Variants in ADGRV1 observed in about 807,000 individuals in gnomAD.
The protein encoded by ADGRV1 is adhesion G protein-coupled receptor V1.
In ADGRV1, 359 loss-of-function variants were observed where a neutral mutation model predicts 596.2. The ratio of observed to expected loss-of-function variants is 0.60; its 90% confidence interval spans 0.55 to 0.66. The LOEUF (loss-of-function observed/expected upper bound fraction) is 0.66. ADGRV1 is among the 30% of genes least tolerant of loss of function. The pLI, the probability that ADGRV1 is intolerant of heterozygous loss-of-function variation, is 0.00. For synonymous variants in ADGRV1, 2,681 were observed against 2,679.2 expected (o/e 1.00, Z -0.02); for missense variants, 7,274 against 7,575.6 (o/e 0.96, Z 1.48).
intron 87 of ADGRV1, among the ~76,000 whole-genome samples, chr5:91,117,774 A>G (rs999914418): frequency 5.3e-5 from 8 of 152,206 alleles, no homozygotes; most frequent in Admixed American, 3.9e-4. Flanking sequence ...GATGATACTG[A>G]CAATAATTCC....
At chr5:90,730,056 C>T (rs535014674) in intron 50 of ADGRV1, among the ~76,000 whole-genome samples, 2 of 152,048 alleles carry the variant, frequency 1.3e-5, no homozygotes, top group African/African-American at 2.4e-5. Flanking sequence ...TTAGTAGAGA[C>T]GGGGTTTCAC....
In ADGRV1 at chr5:90,672,563, A is replaced by G. The variant is rs144401211; in HGVS notation, c.4770A>G (p.Ser1590=). 245 of 1,613,686 alleles carry G rather than the reference A, an allele frequency of 1.5e-4. 4 individuals are homozygous for G. In the East Asian group the frequency reaches 3.2e-3, roughly 21 times the overall value. The stretch of plus-strand genomic sequence containing the variant: ...AATTTCAGATTGCAGAGGAGGGATC[A>G]ACCATTTCTTGTGTGGTTGAGAGAA... ...ACIPEIAEEG[S]TISCVVERTR... Residue 1590 remains serine (S), a synonymous_variant, in exon 22 of 90, where the codon TCA becomes TCG. Coordinates refer to ENST00000405460, the MANE Select transcript of ADGRV1 (RefSeq NM_032119.4).
chr5:91,135,614 G>T (rs1794563972), intron 87 of ADGRV1, among the ~76,000 whole-genome samples: 1 of 152,112 alleles, frequency 6.6e-6, no homozygotes, highest in Non-Finnish European at 1.5e-5. Context: ...AGGGAATCTG[G>T]TTTTTCCTGC....
At chr5:90,997,347 G>C (rs1401514098) in intron 85 of ADGRV1, among the ~76,000 whole-genome samples, 1 of 150,322 alleles carries the variant, frequency 6.7e-6, no homozygotes, top group Admixed American at 6.6e-5. Flanking sequence ...CTGGTTGTTT[G>C]CAAGTATGTA....
intron 86 of ADGRV1, among the ~76,000 whole-genome samples, chr5:91,101,819 T>C (rs990862996): frequency 1.3e-5 from 2 of 152,038 alleles, no homozygotes; most frequent in Non-Finnish European, 1.5e-5. Context: ...ACACGCACGA[T>C]GTTATATAAT....
At chr5:90,945,555 T>C (rs1776500291) in intron 83 of ADGRV1, among the ~76,000 whole-genome samples, 1 of 152,072 alleles carries the variant, frequency 6.6e-6, no homozygotes, top group Non-Finnish European at 1.5e-5. Context: ...AAGACTAAAA[T>C]CAAACTCCAC....
At chr5:90,720,716 A>G (rs1221982257) in intron 44 of ADGRV1, among the ~76,000 whole-genome samples, 1 of 152,192 alleles carries the variant, frequency 6.6e-6, no homozygotes, top group East Asian at 1.9e-4. Context: ...TGTTTTTGAT[A>G]CATGTGTGAA....
intron 35 of ADGRV1, among the ~76,000 whole-genome samples, 162 bp from the exon 36 acceptor site, chr5:90,704,227 C>T (rs978977678): frequency 6.6e-6 from 1 of 152,048 alleles, no homozygotes; most frequent in African/African-American, 2.4e-5. Flanking sequence ...GCTTAGGTTC[C>T]CATGTGTCAG....
intron 83 of ADGRV1, among the ~76,000 whole-genome samples, chr5:90,893,307 A>G (rs1172763205): frequency 6.6e-6 from 1 of 152,144 alleles, no homozygotes; most frequent in Non-Finnish European, 1.5e-5. Flanking sequence ...ATTGAATACT[A>G]TGAAAGAGAG....
At chr5:90,788,824 A>G (rs1029814943) in intron 68 of ADGRV1, among the ~76,000 whole-genome samples, 3 of 151,908 alleles carry the variant, frequency 2.0e-5, no homozygotes, top group African/African-American at 7.3e-5. Context: ...AGTTTTCCTG[A>G]GAAACAAAAC....
intron 1 of ADGRV1, among the ~76,000 whole-genome samples, chr5:90,560,720 A>C (rs1208443369): frequency 6.6e-6 from 1 of 152,156 alleles, no homozygotes; most frequent in African/African-American, 2.4e-5. Flanking sequence ...GTCTCCATTT[A>C]TTATATCTTA....
At chr5:90,977,019 G>A (rs6860535) in intron 84 of ADGRV1, among the ~76,000 whole-genome samples, 23,996 of 152,118 alleles carry the variant, frequency 0.16, 2,580 homozygotes, top group African/African-American at 0.3. Flanking sequence ...GCAAATGTGC[G>A]TGTTATTTAT....
At chr5:91,023,324 G>A (rs1783789743) in intron 85 of ADGRV1, among the ~76,000 whole-genome samples, 1 of 152,086 alleles carries the variant, frequency 6.6e-6, no homozygotes, top group South Asian at 2.1e-4. Context: ...GGTGAGTTAG[G>A]GGTAAGATAC....
chr5:91,062,752 A>T (rs1787553680), intron 85 of ADGRV1, among the ~76,000 whole-genome samples: 1 of 151,776 alleles, frequency 6.6e-6, no homozygotes, highest in African/African-American at 2.4e-5. Flanking sequence ...CTGTTTTTCT[A>T]TCCCTTTTGC....
At chr5:90,662,184 C>G (rs1988788) in intron 21 of ADGRV1, among the ~76,000 whole-genome samples, 78,516 of 140,770 alleles carry the variant, frequency 0.56, 22,822 homozygotes, top group East Asian at 0.81. Flanking sequence ...TTTGGTTAAA[C>G]AACTTTTTTT....
chr5:90,775,872 C>A (rs1016615258), intron 60 of ADGRV1, among the ~76,000 whole-genome samples: 1 of 152,162 alleles, frequency 6.6e-6, no homozygotes, highest in Non-Finnish European at 1.5e-5. Flanking sequence ...TATAGTGATA[C>A]AGCTCTTTGT....
chr5:90,791,626 C>T (rs138543328), intron 70 of ADGRV1: 23 of 378,020 alleles, frequency 6.1e-5, no homozygotes, highest in African/African-American at 4.0e-4. Context: ...TGTGCATATA[C>T]ACCTGCACAC....
intron 77 of ADGRV1, among the ~76,000 whole-genome samples, chr5:90,839,936 A>G (rs568127100): frequency 3.3e-5 from 5 of 152,338 alleles, no homozygotes; most frequent in Non-Finnish European, 7.3e-5. Context: ...TAGGAGTTTA[A>G]TAGTTCTTGG....
chr5:91,058,487 C>T (rs1388044714), intron 85 of ADGRV1, among the ~76,000 whole-genome samples: 5 of 145,900 alleles, frequency 3.4e-5, no homozygotes, highest in Non-Finnish European at 7.5e-5. Context: ...GCATCTTTTG[C>T]CCTCTTTTTG....
Sources: allele counts gnomAD v4.1 joint callset (sites outside exome capture counted in the v4.1 genomes callset), GRCh38; gene constraint gnomAD v4.1.1; transcripts MANE v1.5; gene names NCBI Gene and HGNC (gene_info 2026-07-23, HGNC 2026-07-21).